Variants in NUP188 observed in about 807,000 individuals in gnomAD.
The protein encoded by NUP188 is nucleoporin 188.
A neutral mutation model predicts 223.0 loss-of-function variants in NUP188; 97 were observed. The observed-to-expected ratio is 0.43, with a 90% CI of 0.37 to 0.51. NUP188 has a LOEUF of 0.51. NUP188 is among the 20% of genes least tolerant of loss of function. The probability of loss-of-function intolerance (pLI) is 0.00; values close to 1 mark genes in which losing one functional copy is unlikely to be tolerated. For missense variants in NUP188, 1,947 were observed against 2,175.6 expected, an observed-to-expected ratio of 0.89 and a Z score of 2.09; for synonymous variants, 869 against 828.0, an observed-to-expected ratio of 1.05 and a Z score of -0.85.
chr9:128,967,058 G>GGCATGGGT (rs1258066409), intron 8 of NUP188, among the ~76,000 whole-genome samples: 1 of 152,078 alleles, frequency 6.6e-6, no homozygotes, highest in Non-Finnish European at 1.5e-5. Context: ...CCCAGGCTGG[G>GGCATGGGT]GTACAGGGGC....
chr9:129,003,959 C>A (rs535041917), intron 38 of NUP188: 1 of 161,396 alleles, frequency 6.2e-6, no homozygotes, highest in Non-Finnish European at 1.2e-5. Context: ...GGTGACAGAG[C>A]GAGACTCCGT....
intron 25 of NUP188, among the ~76,000 whole-genome samples, chr9:128,990,603 G>T (rs150265792): frequency 6.6e-6 from 1 of 152,182 alleles, no homozygotes; most frequent in Non-Finnish European, 1.5e-5. Context: ...GGTGGCTCAC[G>T]CCTGTAATCC....
chr9:128,950,490 G>A (rs959140532), intron 2 of NUP188, among the ~76,000 whole-genome samples: 5 of 152,224 alleles, frequency 3.3e-5, no homozygotes, highest in African/African-American at 1.2e-4. Flanking sequence ...CAAAGTGCTT[G>A]GATTGCAGGC....
rs949037049 is a variant in NUP188, at chr9:128,986,013, T to G, written c.2077-545T>G. 2.6e-5 allele frequency among the ~76,000 whole-genome samples: 4 copies of G among 151,886 alleles called. No homozygotes were observed. In the South Asian group the frequency reaches 8.3e-4, roughly 32 times the overall value. ...GAGATCACGCCATTGCACTCCAGCC[T>G]AGGTGCCAAGAGTGAAACTCCATCT... On this transcript the variant is annotated intron_variant, in intron 20 of 43. Coordinates refer to ENST00000372577, the MANE Select transcript of NUP188 (RefSeq NM_015354.3).
rs781102083 is a variant in NUP188 at position 129,007,005 on chromosome 9, C to T, written c.*327C>T. 4.6e-5 allele frequency: 12 copies of T among 262,678 alleles called. No individual in the cohort carries two copies. Among genetic ancestry groups the T allele is most frequent in the South Asian group, 1.1e-4 (1 of 8,812 alleles). 16.3% of individuals were successfully genotyped at this position (262,678 alleles called of 1,614,324 possible). On this transcript the variant is annotated 3_prime_UTR_variant, in exon 44 of 44. Coordinates refer to ENST00000372577, the MANE Select transcript of NUP188 (RefSeq NM_015354.3). ...GCAGCCCAGCAGAGGGCTCTATGCACGGGTTTCAAACCTGTTTTCCACACT... is the reference window on the plus strand; with the variant it reads ...GCAGCCCAGCAGAGGGCTCTATGCATGGGTTTCAAACCTGTTTTCCACACT...
At chr9:128,987,527 G>A in intron 22 of NUP188, 62 bp from the exon 23 acceptor site, 2 of 1,547,660 alleles carry the variant, frequency 1.3e-6, no homozygotes, top group Middle Eastern at 3.8e-4. Flanking sequence ...ATTGGACAAT[G>A]CCCTTCCTTC....
chr9:128,949,201 A>G lies in NUP188; in HGVS notation c.45A>G (p.Glu15=). 1 of 1,613,094 alleles carries G rather than the reference A, an allele frequency of 6.2e-7. No individual in the cohort carries two copies. Among genetic ancestry groups the G allele is most frequent in the East Asian group, 2.2e-5 (1 of 44,864 alleles). Residue 15 remains glutamate, a synonymous_variant, in exon 2 of 44, where the codon GAA becomes GAG. Transcript: ENST00000372577. ...AGGPCVRSSR[E]LWTILLGRSA... ...TCTCATTTTGCAGGAGCAGTAGAGA[A>G]CTGTGGACTATTCTGCTTGGAAGGT...
At chr9:129,001,823 A>G (rs1186862130) in intron 35 of NUP188, 61 bp from the exon 36 acceptor site, 1 of 1,577,886 alleles carries the variant, frequency 6.3e-7, no homozygotes, top group Non-Finnish European at 8.7e-7. Context: ...TGAGAGCCCT[A>G]CCTACCCTAG....
In NUP188 at chr9:129,006,140, G is replaced by T. The variant is rs753176686; in HGVS notation, c.4943+17G>T. 1 of 1,614,148 alleles carries T rather than the reference G, an allele frequency of 6.2e-7. No homozygotes were observed. Among genetic ancestry groups the T allele is most frequent in the Non-Finnish European group, 8.5e-7 (1 of 1,180,020 alleles). On this transcript the variant is annotated intron_variant, in intron 42 of 43. Transcript: ENST00000372577. Reference sequence around the variant, plus strand: ...GACGTTAAAGTAAGTGCTCTTTCTGGGATTTGATAAGGGGCTGGGGCAGTC... The same window carrying T: ...GACGTTAAAGTAAGTGCTCTTTCTGTGATTTGATAAGGGGCTGGGGCAGTC...
intron 24 of NUP188, among the ~76,000 whole-genome samples, chr9:128,989,428 C>T (rs1406111579): frequency 6.6e-6 from 1 of 151,928 alleles, no homozygotes; most frequent in African/African-American, 2.4e-5. Flanking sequence ...AGGCTGGGTG[C>T]AGTGGCTCAC....
intron 22 of NUP188, among the ~76,000 whole-genome samples, chr9:128,987,364 G>A (rs983092840): frequency 6.6e-6 from 1 of 151,974 alleles, no homozygotes; most frequent in African/African-American, 2.4e-5. Context: ...ATCCTTTTCA[G>A]TAGCTGTATC....
intron 8 of NUP188, among the ~76,000 whole-genome samples, chr9:128,960,601 C>T (rs984295140): frequency 4.6e-5 from 7 of 151,874 alleles, no homozygotes; most frequent in African/African-American, 1.7e-4. Flanking sequence ...AAGTTTAGGA[C>T]AATATAAAAT....
At chr9:128,994,488 G>T in intron 28 of NUP188, 46 bp downstream of exon 28, 1 of 1,370,648 alleles carries the variant, frequency 7.3e-7, no homozygotes, top group Non-Finnish European at 1.0e-6. Context: ...GTCCCTTGGA[G>T]GAAAGGCTGT....
At chr9:128,994,959 G>T (rs1842495644) in intron 29 of NUP188, 36 bp downstream of exon 29, 1 of 1,502,144 alleles carries the variant, frequency 6.7e-7, no homozygotes, top group Middle Eastern at 1.7e-4. Flanking sequence ...TTAACTGAAG[G>T]TTGGGGGAGT....
intron 1 of NUP188, chr9:128,948,927 G>A (rs965915858): frequency 2.2e-5 from 6 of 274,456 alleles, no homozygotes; most frequent in East Asian, 9.6e-5. Flanking sequence ...GGGTTTCACT[G>A]TGTTAGCCAG....
intron 4 of NUP188, among the ~76,000 whole-genome samples, chr9:128,956,702 T>TG (rs1209045092): frequency 6.6e-6 from 1 of 152,208 alleles, no homozygotes; most frequent in African/African-American, 2.4e-5. Flanking sequence ...TCATGCCTAC[T>TG]GCTGTATTAA....
chr9:128,999,359 C>A, intron 33 of NUP188, 42 bp downstream of exon 33: 1 of 1,603,880 alleles, frequency 6.2e-7, no homozygotes, highest in Non-Finnish European at 8.5e-7. Flanking sequence ...GCAGTCTGCC[C>A]ACTCCTGCTG....
chr9:128,960,021 T>G (rs1475996884), intron 8 of NUP188, among the ~76,000 whole-genome samples: 5 of 151,862 alleles, frequency 3.3e-5, no homozygotes, highest in African/African-American at 1.2e-4. Context: ...TCTTATTATT[T>G]TCTGCTCAAT....
Position 129,006,739 on chromosome 9 carries a change from G to T in NUP188, c.*61G>T. The T allele has an allele frequency of 6.5e-7, 1 of 1,530,814 alleles. No individual in the cohort carries two copies. The highest frequency in any genetic ancestry group is 1.2e-5 in the South Asian group (1 of 80,434). The allele number at this position is 1,530,814 out of a possible 1,614,324, so 94.8% of individuals were successfully genotyped here. ...AGCCTACACTGCACCCTGGCTGGCA[G>T]GGGTGCTGCTGGCTGCTAGGGCCTA... On this transcript the variant is annotated 3_prime_UTR_variant, in exon 44 of 44. Coordinates refer to ENST00000372577, the MANE Select transcript of NUP188 (RefSeq NM_015354.3).
Sources: allele counts gnomAD v4.1 joint callset (sites outside exome capture counted in the v4.1 genomes callset), GRCh38; gene constraint gnomAD v4.1.1; transcripts MANE v1.5; gene names NCBI Gene and HGNC (gene_info 2026-07-23, HGNC 2026-07-21).